Variants in CSMD2 observed in about 807,000 individuals in gnomAD.
CSMD2 encodes the protein CUB and Sushi multiple domains 2.
Under a neutral mutation model 398.5 loss-of-function variants are expected in CSMD2, and 130 were observed. The ratio of observed to expected loss-of-function variants is 0.33; its 90% CI spans 0.28 to 0.38. The LOEUF (loss-of-function observed/expected upper bound fraction) is 0.38. Ranked by LOEUF, CSMD2 falls within the 10% of genes least tolerant of loss-of-function variation. The pLI is 1.00. For missense variants in CSMD2, 3,829 were observed against 4,764.9 expected (o/e 0.80, Z 5.78); for synonymous variants, 1,828 against 1,908.5 (o/e 0.96, Z 1.10).
At chr1:34,070,284 T>C (rs1655576438) in intron 2 of CSMD2, among the ~76,000 whole-genome samples, 1 of 152,212 alleles carries the variant, frequency 6.6e-6, no homozygotes, top group South Asian at 2.1e-4. Flanking sequence ...GACAGGACTG[T>C]AGAATCCCGT....
intron 10 of CSMD2, among the ~76,000 whole-genome samples, chr1:33,800,048 G>A (rs56928303): frequency 0.12 from 18,964 of 152,226 alleles, 1,651 homozygotes; most frequent in African/African-American, 0.24. Context: ...TCCTGGCTAG[G>A]TAGAGGCCCT....
chr1:33,763,852 T>C (rs938306197), intron 13 of CSMD2, among the ~76,000 whole-genome samples: 1 of 152,164 alleles, frequency 6.6e-6, no homozygotes, highest in Non-Finnish European at 1.5e-5. Context: ...AAGCCCAGCA[T>C]ACATATAGGC....
Position 33,646,578 on chromosome 1 carries a change from G to A in CSMD2, c.4774+70C>T, listed in dbSNP as rs530459743. ...TCCAGCCCAGGGCTCTCCTCACTACGCTACACTACTTGCCCTCTGCCTTGT... is the reference window on the plus strand; with the variant it reads ...TCCAGCCCAGGGCTCTCCTCACTACACTACACTACTTGCCCTCTGCCTTGT... On this transcript the variant is annotated intron_variant, in intron 29 of 70. Transcript: ENST00000373381. 12 of 1,533,248 alleles carry A rather than the reference G, an allele frequency of 7.8e-6. No individual in the cohort carries two copies. The African/African-American group carries it at 1.5e-4, about 19-fold the overall frequency. 95.0% of individuals were successfully genotyped at this position (1,533,248 alleles called of 1,614,324 possible). A position where few individuals can be genotyped will look rare whatever the true frequency, so the allele number is the denominator to read the frequency against.
intron 5 of CSMD2, among the ~76,000 whole-genome samples, chr1:33,909,953 C>T (rs1186660636): frequency 6.6e-6 from 1 of 152,174 alleles, no homozygotes; most frequent in Admixed American, 6.5e-5. Flanking sequence ...CCCCAGCCCA[C>T]TTCTTCTCCT....
Position 34,163,207 on chromosome 1 carries a change from G to C in CSMD2, c.187+1704C>G, listed in dbSNP as rs1641520517. ...CCGGCCTCGCCTCAACGTACGTCCG[G>C]GAGGCCTGGCGGGAGGTAGCAGCGA... On this transcript the variant is annotated intron_variant, in intron 1 of 70. Transcript: ENST00000373381. This position sits in a 1 kb window ranked among gnomAD's most constrained non-coding sequence, Gnocchi z 5.4. Among the ~76,000 whole-genome samples the C allele has an allele frequency of 2.0e-5, 3 of 152,378 alleles. No homozygotes were observed. In the South Asian group the frequency reaches 6.2e-4, roughly 32 times the overall value.
At chr1:33,663,319 AG>A (rs1017344804) in intron 25 of CSMD2, among the ~76,000 whole-genome samples, 2 of 152,110 alleles carry the variant, frequency 1.3e-5, no homozygotes, top group African/African-American at 4.8e-5. Flanking sequence ...TGCGAGGTGT[AG>A]GTTTTGTGCA....
intron 5 of CSMD2, 55 bp downstream of exon 5, chr1:33,918,039 A>C (rs1643814420): frequency 7.2e-6 from 11 of 1,525,410 alleles, no homozygotes; most frequent in Non-Finnish European, 9.9e-6. Flanking sequence ...CAAGCATCCC[A>C]GTAATTCACA....
intron 64 of CSMD2, among the ~76,000 whole-genome samples, chr1:33,530,905 T>C (rs1468559440): frequency 2.0e-5 from 3 of 151,964 alleles, no homozygotes; most frequent in South Asian, 2.1e-4. Context: ...AACTAATTAA[T>C]AGAAGTAGAG....
intron 15 of CSMD2, among the ~76,000 whole-genome samples, chr1:33,733,806 T>C (rs1395873298): frequency 1.3e-5 from 2 of 152,214 alleles, no homozygotes; most frequent in Non-Finnish European, 2.9e-5. Context: ...TCCCCAGCAA[T>C]GTGAAACTGT....
rs1400205787 is a variant in CSMD2, at chr1:33,725,496, C to T, written c.2548G>A (p.Asp850Asn). Reference sequence around the variant, plus strand: ...AAGGGCGCTGAGTAAGTCCGCCCATCGCGTACTTCCAGGGTGTCATAGTTG... The same window carrying T: ...AAGGGCGCTGAGTAAGTCCGCCCATTGCGTACTTCCAGGGTGTCATAGTTG... ...EVNYDTLEVR[D>N]GRTYSAPLIG... The change falls in exon 17 of 71, where the codon GAT (aspartate) becomes AAT (asparagine). Residue 850 changes from aspartate to asparagine, a missense_variant. Asp to Asn is a conservative substitution (Grantham distance 23). Coordinates refer to ENST00000373381, the MANE Select transcript of CSMD2 (RefSeq NM_001281956.2). The T allele has an allele frequency of 3.7e-6, 6 of 1,614,058 alleles. No individual in the cohort carries two copies. Among genetic ancestry groups the T allele is most frequent in the Admixed American group, 1.7e-5 (1 of 60,002 alleles).
chr1:33,965,731 A>C (rs1177025183), intron 3 of CSMD2, among the ~76,000 whole-genome samples: 1 of 152,208 alleles, frequency 6.6e-6, no homozygotes, highest in African/African-American at 2.4e-5. Flanking sequence ...CTTTTTCAAA[A>C]AATGGTTCAG....
At chr1:33,525,998 T>G (rs546031523) in intron 65 of CSMD2, among the ~76,000 whole-genome samples, 1 of 152,326 alleles carries the variant, frequency 6.6e-6, no homozygotes, top group African/African-American at 2.4e-5. Flanking sequence ...GAGTAGATTT[T>G]AAATGTTCTC....
chr1:33,736,084 G>A (rs1023172785), intron 15 of CSMD2, among the ~76,000 whole-genome samples: 4 of 152,182 alleles, frequency 2.6e-5, no homozygotes, highest in African/African-American at 9.7e-5. Context: ...TGAGAAAACC[G>A]AGCGGGCTCT....
At chr1:33,915,491 T>C (rs1472828461) in intron 5 of CSMD2, among the ~76,000 whole-genome samples, 1 of 152,250 alleles carries the variant, frequency 6.6e-6, no homozygotes, top group African/African-American at 2.4e-5. Context: ...CAAAGAGTTC[T>C]GAGTGACTCC....
At chr1:33,992,140 G>A (rs1558214349) in intron 3 of CSMD2, among the ~76,000 whole-genome samples, 1 of 152,140 alleles carries the variant, frequency 6.6e-6, no homozygotes, top group Non-Finnish European at 1.5e-5. Flanking sequence ...ACAAGCTTTG[G>A]AGAAGACAGT....
intron 11 of CSMD2, 40 bp downstream of exon 11, chr1:33,792,383 A>G: frequency 1.4e-6 from 2 of 1,454,278 alleles, no homozygotes; most frequent in Non-Finnish European, 1.9e-6. Context: ...AACCCCAGCC[A>G]CCGTCCCACC....
At chr1:34,113,852 C>T (rs1661340387) in intron 1 of CSMD2, among the ~76,000 whole-genome samples, 1 of 152,232 alleles carries the variant, frequency 6.6e-6, no homozygotes, top group Non-Finnish European at 1.5e-5. Flanking sequence ...CTTCTCCCAA[C>T]TGTCACAGTT....
chr1:33,966,662 G>A (rs949217142), intron 3 of CSMD2, among the ~76,000 whole-genome samples: 4 of 152,318 alleles, frequency 2.6e-5, no homozygotes, highest in African/African-American at 4.8e-5. Context: ...TAGAAGCTGC[G>A]GGTGAATTAA....
intron 5 of CSMD2, among the ~76,000 whole-genome samples, chr1:33,908,039 T>C (rs1009491870): frequency 6.3e-5 from 9 of 143,026 alleles, no homozygotes; most frequent in African/African-American, 2.2e-4. Flanking sequence ...GTGAGCGAGA[T>C]TGTGACATTG....
Sources: gnomAD v4.1 joint callset for allele counts (sites outside exome capture counted in the v4.1 genomes callset) on GRCh38, gnomAD v4.1.1 for gene constraint, Gnocchi (gnomAD v3.1) non-coding constraint, MANE v1.5 for transcripts, NCBI Gene and HGNC (gene_info 2026-07-23, HGNC 2026-07-21) for gene names.